The following NRXN1 variants were observed in gnomAD, a reference collection of about 807,000 sequenced individuals.
NRXN1 encodes neurexin 1.
In NRXN1, 39 loss-of-function variants were observed where a neutral mutation model predicts 150.9. That is an observed-to-expected ratio of 0.26 (90% CI 0.20 to 0.34). NRXN1 has a LOEUF of 0.34. Among genes scored for constraint, NRXN1 ranks in the 10% least tolerant of loss-of-function variants. The probability of loss-of-function intolerance (pLI) is 1.00; values close to 1 mark genes in which losing one functional copy is unlikely to be tolerated. For missense variants in NRXN1, 1,815 were observed against 1,949.9 expected, an observed-to-expected ratio of 0.93 and a Z score of 1.30; for synonymous variants, 924 against 757.0, an observed-to-expected ratio of 1.22 and a Z score of -3.62.
chr2:50,786,709 T>C (rs558223457), intron 5 of NRXN1, among the ~76,000 whole-genome samples: 1 of 152,248 alleles, frequency 6.6e-6, no homozygotes, highest in East Asian at 1.9e-4. Context: ...AGTTCCTCCC[T>C]TTTGTCTTCT....
At chr2:50,343,228 T>G (rs2077681924) in intron 17 of NRXN1, among the ~76,000 whole-genome samples, 1 of 152,142 alleles carries the variant, frequency 6.6e-6, no homozygotes, top group African/African-American at 2.4e-5. Context: ...TGAGAGACTC[T>G]AAGCTAATTT....
intron 17 of NRXN1, among the ~76,000 whole-genome samples, chr2:50,342,965 T>A (rs2077660720): frequency 6.6e-6 from 1 of 152,220 alleles, no homozygotes; most frequent in African/African-American, 2.4e-5. Flanking sequence ...AAGTTTGGTA[T>A]GTGTACTGAA....
intron 17 of NRXN1, among the ~76,000 whole-genome samples, chr2:50,415,955 CAAAA>C (rs10585013): frequency 4.5e-5 from 4 of 88,866 alleles, no homozygotes; most frequent in African/African-American, 6.0e-5. Context: ...CAACAACATA[CAAAA>C]AAAAAAAAAA....
intron 18 of NRXN1, among the ~76,000 whole-genome samples, chr2:50,105,928 G>C (rs1036147917): frequency 6.6e-6 from 1 of 151,646 alleles, no homozygotes; most frequent in African/African-American, 2.4e-5. Context: ...AAAAATAATA[G>C]GTGGAGTTGC....
intron 5 of NRXN1, among the ~76,000 whole-genome samples, chr2:50,804,057 A>C (rs572865489): frequency 6.6e-6 from 1 of 152,332 alleles, no homozygotes; most frequent in East Asian, 1.9e-4. Flanking sequence ...AATGAAGATA[A>C]GTAAATATTG....
At chr2:50,579,277 T>C (rs1395896074) in intron 8 of NRXN1, among the ~76,000 whole-genome samples, 1 of 152,214 alleles carries the variant, frequency 6.6e-6, no homozygotes, top group Non-Finnish European at 1.5e-5. Context: ...TTACATTTTG[T>C]ACTTTTATTC....
chr2:50,551,685 G>A (rs1667566372), intron 9 of NRXN1, among the ~76,000 whole-genome samples: 1 of 152,100 alleles, frequency 6.6e-6, no homozygotes, highest in Non-Finnish European at 1.5e-5. Context: ...ATCAGAGCAT[G>A]GGAGCCCGGG....
At chr2:50,732,910 C>A (rs1400441664) in intron 5 of NRXN1, among the ~76,000 whole-genome samples, 1 of 152,120 alleles carries the variant, frequency 6.6e-6, no homozygotes, top group African/African-American at 2.4e-5. Flanking sequence ...TCTTCCAGTA[C>A]ACTGTGTTCT....
chr2:50,030,310 G>A (rs1378686618), intron 21 of NRXN1, among the ~76,000 whole-genome samples: 2 of 151,988 alleles, frequency 1.3e-5, no homozygotes, highest in East Asian at 3.9e-4. Context: ...CCAGTTCTAT[G>A]ATCTAGGGAG....
At chr2:50,884,986 G>A (rs1017890212) in intron 5 of NRXN1, among the ~76,000 whole-genome samples, 7 of 151,482 alleles carry the variant, frequency 4.6e-5, no homozygotes, top group African/African-American at 1.7e-4. Flanking sequence ...GAAAGATTGT[G>A]AAAATAATGC....
At chr2:50,427,022 T>G (rs553478784) in intron 17 of NRXN1, among the ~76,000 whole-genome samples, 130 of 152,300 alleles carry the variant, frequency 8.5e-4, no homozygotes, top group African/African-American at 3.1e-3. Flanking sequence ...TTGCTATGTC[T>G]TAGTGCTGCC....
At chr2:50,863,546 A>G (rs1574749036) in intron 5 of NRXN1, among the ~76,000 whole-genome samples, 1 of 151,786 alleles carries the variant, frequency 6.6e-6, no homozygotes, top group Non-Finnish European at 1.5e-5. Context: ...TAGCTTCACC[A>G]GGTATCAGCA....
rs117271498 is a variant in NRXN1 at position 50,658,847 on chromosome 2, G to C, written c.833-35232C>G. 3.9e-5 allele frequency among the ~76,000 whole-genome samples: 6 copies of C among 152,050 alleles called. No individual in the cohort carries two copies. The East Asian group carries it at 9.7e-4, about 25-fold the overall frequency. ...AACTTTCTTCTCCCTTTTTAGAGTT[G>C]TATAAGCTTCCTGAGAGCTGGCTCT... On this transcript the variant is annotated intron_variant, in intron 5 of 22. Transcript: ENST00000401669.
intron 12 of NRXN1, among the ~76,000 whole-genome samples, chr2:50,528,018 A>C (rs1211242269): frequency 6.6e-6 from 1 of 152,220 alleles, no homozygotes; most frequent in Non-Finnish European, 1.5e-5. Context: ...CCAAATTCAA[A>C]GAAAACTCAG....
chr2:50,447,451 G>C (rs2086520104), intron 17 of NRXN1, among the ~76,000 whole-genome samples: 1 of 115,258 alleles, frequency 8.7e-6, no homozygotes, highest in Admixed American at 1.2e-4. Context: ...CTGCTCTCCA[G>C]CCTGGGTGAC....
intron 2 of NRXN1, among the ~76,000 whole-genome samples, chr2:50,982,124 A>G (rs1476196982): frequency 6.6e-6 from 1 of 152,066 alleles, no homozygotes; most frequent in Non-Finnish European, 1.5e-5. Flanking sequence ...AATAGGCAAA[A>G]AGCTATGGAG....
intron 15 of NRXN1, among the ~76,000 whole-genome samples, chr2:50,480,575 C>CTCTG (rs1327934949): frequency 6.6e-6 from 1 of 152,112 alleles, no homozygotes; most frequent in Non-Finnish European, 1.5e-5. Context: ...ACCCTTAGTG[C>CTCTG]TCTGCTCTAG....
chr2:50,638,476 TC>T (rs1683560208), intron 5 of NRXN1, among the ~76,000 whole-genome samples: 1 of 152,148 alleles, frequency 6.6e-6, no homozygotes, highest in South Asian at 2.1e-4. Context: ...GAGCACATTG[TC>T]ACTACTTAGT....
intron 5 of NRXN1, among the ~76,000 whole-genome samples, chr2:50,736,677 T>C (rs111748021): frequency 6.6e-6 from 1 of 152,144 alleles, no homozygotes; most frequent in South Asian, 2.1e-4. Flanking sequence ...TCTGCTGCCA[T>C]GTAAGACATG....
Sources: gnomAD v4.1 joint callset for allele counts (sites outside exome capture counted in the v4.1 genomes callset) on GRCh38, gnomAD v4.1.1 for gene constraint, MANE v1.5 for transcripts, NCBI Gene and HGNC (gene_info 2026-07-23, HGNC 2026-07-21) for gene names.